The following FRMPD3 variants were observed in gnomAD, a reference collection of about 807,000 sequenced individuals.
The protein encoded by FRMPD3 is FERM and PDZ domain containing 3, also known as FERM and PDZ domain-containing protein 3.
Under a neutral mutation model 97.9 loss-of-function variants are expected in FRMPD3, and 42 were observed. The observed-to-expected ratio is 0.43, with a 90% confidence interval of 0.34 to 0.55. FRMPD3 has a LOEUF of 0.55. FRMPD3 is among the 20% of genes least tolerant of loss of function. The probability of loss-of-function intolerance (pLI) is 0.03; values close to 1 mark genes in which losing one functional copy is unlikely to be tolerated. For missense variants in FRMPD3, 1,303 were observed against 1,457.7 expected (o/e 0.89, Z 1.73); for synonymous variants, 577 against 581.1 (o/e 0.99, Z 0.10).
At chrX:107,576,608 C>A in intron 13 of FRMPD3, 149 bp downstream of exon 13, 1 of 573,933 alleles carries the variant, frequency 1.7e-6, no homozygotes, top group Non-Finnish European at 2.7e-6. Context: ...TATATCCTAG[C>A]TGGCACAGCC....
At chrX:107,555,748 A>G (rs2147588613) in intron 8 of FRMPD3, among the ~76,000 whole-genome samples, 1 of 111,884 alleles carries the variant, frequency 8.9e-6, no homozygotes, top group East Asian at 2.8e-4. Context: ...AAGTAAAGAA[A>G]TTCTGTGGGA....
intron 1 of FRMPD3, among the ~76,000 whole-genome samples, chrX:107,478,307 CAT>C (rs1275624278): frequency 8.9e-6 from 1 of 111,771 alleles, no homozygotes; most frequent in Non-Finnish European, 1.9e-5. Context: ...ATCATATGGA[CAT>C]TTATATACAG....
At chrX:107,554,260 A>G (rs1921984956) in intron 7 of FRMPD3, 125 bp from the exon 8 acceptor site, 1 of 699,137 alleles carries the variant, frequency 1.4e-6, no homozygotes, top group Non-Finnish European at 2.1e-6. Flanking sequence ...TCGGAGACAG[A>G]GTAGGAAACA....
chrX:107,481,632 C>T (rs1180884386), intron 1 of FRMPD3, among the ~76,000 whole-genome samples: 1 of 111,694 alleles, frequency 9.0e-6, no homozygotes, highest in Non-Finnish European at 1.9e-5. Flanking sequence ...GGGCAAGCAG[C>T]GGGGCCTAAT....
At chrX:107,575,455 C>CTT (rs771754378) in intron 12 of FRMPD3, among the ~76,000 whole-genome samples, 1 of 101,422 alleles carries the variant, frequency 9.9e-6, no homozygotes. Context: ...GAGCATGACT[C>CTT]TTTTTTTTTT....
intron 4 of FRMPD3, chrX:107,544,881 A>G (rs1921508663): frequency 9.0e-6 from 1 of 111,650 alleles, no homozygotes; most frequent in Admixed American, 9.5e-5. Flanking sequence ...CAGGAGTTCA[A>G]GACCAGCCTG....
At chrX:107,450,595 CACACACAG>C (rs1452710459) in intron 1 of FRMPD3, among the ~76,000 whole-genome samples, 43 of 105,794 alleles carry the variant, frequency 4.1e-4, no homozygotes, top group African/African-American at 1.6e-3. Context: ...CACACACACA[CACACACAG>C]AGAGAGAGAG....
At position 107,604,919 on chromosome X, in the gene FRMPD3, G is replaced by T. The variant is rs1569433667; in HGVS notation, c.*1546G>T. The T allele has an allele frequency of 9.0e-6, 1 of 110,572 alleles. No individual in the cohort carries two copies. Among genetic ancestry groups the T allele is most frequent in the Non-Finnish European group, 1.9e-5 (1 of 52,905 alleles). 9.1% of individuals were successfully genotyped at this position (110,572 alleles called of 1,213,427 possible). ...AAGGAGGAGGGGAGTTTCTTCTGCA[G>T]AATCCAGCCCCTCACTTCCTTGCTT... On this transcript the variant is annotated 3_prime_UTR_variant, in exon 15 of 15. Coordinates refer to ENST00000683843, the MANE Select transcript of FRMPD3 (RefSeq NM_001388459.1).
At chrX:107,464,642 C>A (rs1256691786) in intron 1 of FRMPD3, among the ~76,000 whole-genome samples, 1 of 111,637 alleles carries the variant, frequency 9.0e-6, no homozygotes, top group Non-Finnish European at 1.9e-5. Flanking sequence ...AGTACAGTAG[C>A]CAGAGTGCTT....
At chrX:107,596,803 G>A (rs1484633879) in intron 13 of FRMPD3, among the ~76,000 whole-genome samples, 1 of 111,991 alleles carries the variant, frequency 8.9e-6, no homozygotes, top group Non-Finnish European at 1.9e-5. Flanking sequence ...GGCATTATAT[G>A]TAGCCTGTTT....
intron 13 of FRMPD3, among the ~76,000 whole-genome samples, chrX:107,582,277 G>T (rs1480995202): frequency 9.0e-6 from 1 of 110,529 alleles, no homozygotes; most frequent in Non-Finnish European, 1.9e-5. Flanking sequence ...TCTGCCTCCT[G>T]GGTTCAAGCA....
At chrX:107,491,323 A>G (rs911117300) in intron 1 of FRMPD3, among the ~76,000 whole-genome samples, 16 of 112,576 alleles carry the variant, frequency 1.4e-4, no homozygotes, top group Admixed American at 9.4e-4. Flanking sequence ...GCCATTAGTA[A>G]TTACTGAGTT....
chrX:107,602,872 C>G lies in FRMPD3; in HGVS notation c.4833C>G (p.Ser1611Arg). ...LLTVLRQCVA[S>R]PEARAPKPYV... ...CAGTCCTGCGGCAGTGTGTGGCCAGCCCCGAGGCCCGTGCCCCCAAGCCCT... is the reference window on the plus strand; with the variant it reads ...CAGTCCTGCGGCAGTGTGTGGCCAGGCCCGAGGCCCGTGCCCCCAAGCCCT... The change falls in exon 15 of 15, where the codon AGC becomes AGG. Residue 1611 changes from serine to arginine, a missense_variant. Physicochemically the swap from Ser to Arg is moderately radical, Grantham distance 110. Transcript: ENST00000683843. 1 of 1,210,465 alleles carries G rather than the reference C, an allele frequency of 8.3e-7. No homozygotes were observed.
intron 1 of FRMPD3, among the ~76,000 whole-genome samples, chrX:107,519,740 A>G (rs1358518943): frequency 9.0e-6 from 1 of 111,258 alleles, no homozygotes; most frequent in African/African-American, 3.3e-5. Flanking sequence ...AAGGAGGAGT[A>G]ATGGCCTGGA....
At chrX:107,462,616 C>A (rs1931496999) in intron 1 of FRMPD3, among the ~76,000 whole-genome samples, 1 of 111,890 alleles carries the variant, frequency 8.9e-6, no homozygotes, top group Non-Finnish European at 1.9e-5. Context: ...CCCTGGAATT[C>A]TGCTGACTCT....
chrX:107,504,612 A>T (rs185273818), intron 1 of FRMPD3, among the ~76,000 whole-genome samples: 10 of 112,104 alleles, frequency 8.9e-5, no homozygotes, highest in Admixed American at 8.5e-4. Flanking sequence ...GGGGTGGCTT[A>T]TAGGGGGTGA....
chrX:107,556,525 G>A (rs1287748781), intron 8 of FRMPD3, among the ~76,000 whole-genome samples: 3 of 111,213 alleles, frequency 2.7e-5, no homozygotes, highest in Non-Finnish European at 5.7e-5. Context: ...AATACCATAC[G>A]TTTTGACCTA....
intron 1 of FRMPD3, among the ~76,000 whole-genome samples, chrX:107,461,711 C>T (rs1333705160): frequency 9.1e-6 from 1 of 110,353 alleles, no homozygotes; most frequent in African/African-American, 3.3e-5. Context: ...ATAGAAGCTC[C>T]TCCTCCTGGT....
At chrX:107,483,046 T>C (rs1264711030) in intron 1 of FRMPD3, among the ~76,000 whole-genome samples, 1 of 111,930 alleles carries the variant, frequency 8.9e-6, no homozygotes, top group African/African-American at 3.2e-5. Flanking sequence ...CGAATGAGTA[T>C]GGGATGCGAG....
Sources: gnomAD v4.1 joint callset for allele counts (sites outside exome capture counted in the v4.1 genomes callset) on GRCh38, gnomAD v4.1.1 for gene constraint, MANE v1.5 for transcripts, NCBI Gene and HGNC (gene_info 2026-07-23, HGNC 2026-07-21) for gene names.